Variants in IRAG1 observed in about 807,000 individuals in gnomAD.
IRAG1 encodes inositol 1,4,5-triphosphate receptor associated 1, also known as IP3R-associated cGMP kinase substrate.
IRAG1 carries 62 observed loss-of-function variants against 106.2 expected under a neutral mutation model. The observed-to-expected ratio is 0.58, with a 90% confidence interval of 0.48 to 0.72. The LOEUF (loss-of-function observed/expected upper bound fraction) is 0.72, where lower values mean the gene tolerates loss of function less well. Ranked by LOEUF, IRAG1 falls within the 30% of genes least tolerant of loss-of-function variation. The pLI, the probability that IRAG1 is intolerant of heterozygous loss-of-function variation, is 0.00. For synonymous variants in IRAG1, 462 were observed against 443.9 expected, an observed-to-expected ratio of 1.04 and a Z score of -0.51; for missense variants, 1,064 against 1,140.7, an observed-to-expected ratio of 0.93 and a Z score of 0.97.
intron 12 of IRAG1, among the ~76,000 whole-genome samples, chr11:10,604,751 C>G (rs764980887): frequency 5.3e-5 from 8 of 152,366 alleles, no homozygotes; most frequent in Admixed American, 5.2e-4. Context: ...ACGCTAGGCC[C>G]TTCCCAGAAC....
chr11:10,618,324 T>TA (rs1412905769), intron 10 of IRAG1, among the ~76,000 whole-genome samples: 1 of 152,208 alleles, frequency 6.6e-6, no homozygotes, highest in African/African-American at 2.4e-5. Context: ...TATGGCCTGT[T>TA]AAAGTTTTAT....
At position 10,573,938 on chromosome 11, in the gene IRAG1, G is replaced by C. The variant is rs777434626; in HGVS notation, c.*2394C>G. 6.6e-6 allele frequency: 1 copy of C among 152,350 alleles called. No individual in the cohort carries two copies. The highest frequency in any genetic ancestry group is 2.1e-4 in the South Asian group (1 of 4,826). The allele number at this position is 152,350 out of a possible 1,614,324, so 9.4% of individuals were successfully genotyped here. ...GTATCCAGACCCCCTGGAAGAGGCC[G>C]GGCAAATCATCCACTTCTGCCCCCA... On this transcript the variant is annotated 3_prime_UTR_variant, in exon 21 of 21. Transcript: ENST00000423302.
chr11:10,594,018 C>A (rs1852977322), intron 16 of IRAG1, 128 bp downstream of exon 16: 1 of 894,428 alleles, frequency 1.1e-6, no homozygotes, highest in Non-Finnish European at 1.7e-6. Flanking sequence ...GTGTGGAAAG[C>A]CGAATAGAAA....
At chr11:10,583,673 A>G (rs1016562674) in intron 18 of IRAG1, among the ~76,000 whole-genome samples, 1 of 152,166 alleles carries the variant, frequency 6.6e-6, no homozygotes, top group Non-Finnish European at 1.5e-5. Flanking sequence ...ATTTGAATGT[A>G]GGTAGAAATG....
In IRAG1 at chr11:10,626,539, C is replaced by T. The variant is rs768000375; in HGVS notation, c.795G>A (p.Arg265=). 5.0e-6 allele frequency: 8 copies of T among 1,612,600 alleles called. No homozygotes were observed. The highest frequency in any genetic ancestry group is 6.8e-6 in the Non-Finnish European group (8 of 1,179,026). ...GLADRKQNDQ[R]KVSQGRLAPR... ...GAGCCAGCCTGCCCTGAGACACTTTCCTCTGGTCATTCTGCTTCCTGTCAG... is the reference window on the plus strand; with the variant it reads ...GAGCCAGCCTGCCCTGAGACACTTTTCTCTGGTCATTCTGCTTCCTGTCAG... Residue 265 remains arginine, a synonymous_variant, in exon 9 of 21, where the codon AGG becomes AGA. Coordinates refer to ENST00000423302, the MANE Select transcript of IRAG1 (RefSeq NM_130385.4).
At chr11:10,630,235 T>A (rs906558233) in intron 4 of IRAG1, among the ~76,000 whole-genome samples, 1 of 152,138 alleles carries the variant, frequency 6.6e-6, no homozygotes, top group Non-Finnish European at 1.5e-5. Flanking sequence ...CTGCTCAGGA[T>A]CACAGGAGTC....
chr11:10,587,448 G>A (rs551309159), intron 18 of IRAG1, among the ~76,000 whole-genome samples: 6 of 152,176 alleles, frequency 3.9e-5, no homozygotes, highest in Admixed American at 3.9e-4. Flanking sequence ...CCTGGGGTCC[G>A]CCACAAGTTT....
Position 10,648,675 on chromosome 11 carries a change from C to A in IRAG1, c.225+3350G>T, listed in dbSNP as rs958195448. Among the ~76,000 whole-genome samples, 3 of 152,172 alleles carry A rather than the reference C, an allele frequency of 2.0e-5. 1 individual carries two copies. Among genetic ancestry groups the A allele is most frequent in the Non-Finnish European group, 1.5e-5 (1 of 68,038 alleles). On this transcript the variant is annotated intron_variant, in intron 2 of 20. Coordinates refer to ENST00000423302, the MANE Select transcript of IRAG1 (RefSeq NM_130385.4). ...GTCTCTCCCTGTTCAAGGGCCAATG[C>A]AGAAAACCCCACTCAGGACATAGCC...
chr11:10,644,947 T>C (rs894026652), intron 2 of IRAG1, among the ~76,000 whole-genome samples: 3 of 152,112 alleles, frequency 2.0e-5, no homozygotes, highest in African/African-American at 7.2e-5. Flanking sequence ...CAGTAAAGTA[T>C]ATGGCTAAAC....
intron 2 of IRAG1, among the ~76,000 whole-genome samples, chr11:10,642,886 C>T (rs116457483): frequency 0.023 from 3,452 of 151,332 alleles, 127 homozygotes; most frequent in African/African-American, 0.08. Flanking sequence ...CTCTCTGGGC[C>T]GGGCACGGTG....
intron 1 of IRAG1, among the ~76,000 whole-genome samples, chr11:10,684,648 A>C (rs1861531755): frequency 6.7e-6 from 1 of 148,962 alleles, no homozygotes; most frequent in African/African-American, 2.5e-5. Context: ...AATAATAATA[A>C]AGAGAAAAGG....
At chr11:10,618,814 A>G (rs188404468) in intron 10 of IRAG1, among the ~76,000 whole-genome samples, 149 of 152,316 alleles carry the variant, frequency 9.8e-4, no homozygotes, top group Non-Finnish European at 1.4e-3. Context: ...GGGTGGGGTT[A>G]ACTATTCAGG....
In IRAG1 at chr11:10,647,798, T is replaced by C. The variant is rs754284196; in HGVS notation, c.225+4227A>G. On this transcript the variant is annotated intron_variant, in intron 2 of 20. Transcript: ENST00000423302. The surrounding 1 kb of genome is among the most constrained non-coding windows in gnomAD (Gnocchi z 4.3). ...CTGGGGCCCTACAGTAAGGCGGAGA[T>C]GGGCTGGTATGTGTCCTGAGCGGAG... 2.2e-4 allele frequency among the ~76,000 whole-genome samples: 33 copies of C among 152,016 alleles called. No homozygotes were observed. Among genetic ancestry groups the C allele is most frequent in the Admixed American group, 7.9e-4 (12 of 15,250 alleles).
chr11:10,675,330 T>C (rs1860569001), intron 1 of IRAG1, among the ~76,000 whole-genome samples: 1 of 152,222 alleles, frequency 6.6e-6, no homozygotes, highest in Non-Finnish European at 1.5e-5. Flanking sequence ...CGTTGGCTCC[T>C]GCCCGGTTCC....
intron 1 of IRAG1, among the ~76,000 whole-genome samples, chr11:10,674,437 T>A (rs1860489238): frequency 6.6e-6 from 1 of 152,154 alleles, no homozygotes; most frequent in Admixed American, 6.5e-5. Flanking sequence ...GAAGTCTCTA[T>A]AAAATGAGGC....
intron 20 of IRAG1, among the ~76,000 whole-genome samples, chr11:10,578,560 A>G (rs1287330307): frequency 6.6e-6 from 1 of 152,268 alleles, no homozygotes; most frequent in African/African-American, 2.4e-5. Flanking sequence ...TAAAAATGCA[A>G]TAAGTAGGAC....
rs571750757 is a variant in IRAG1 at position 10,573,610 on chromosome 11, C to T, written c.*2722G>A. On this transcript the variant is annotated 3_prime_UTR_variant, in exon 21 of 21. Transcript: ENST00000423302. Reference sequence around the variant, plus strand: ...CCTTTTCCTCGACCTCCCTTGCTTACAAATGGAATAGGGTGGGAGAGGGCC... The same window carrying T: ...CCTTTTCCTCGACCTCCCTTGCTTATAAATGGAATAGGGTGGGAGAGGGCC... 1 of 152,230 alleles carries T rather than the reference C, an allele frequency of 6.6e-6. No homozygotes were observed. Among genetic ancestry groups the T allele is most frequent in the Non-Finnish European group, 1.5e-5 (1 of 68,072 alleles). 9.4% of individuals were successfully genotyped at this position (152,230 alleles called of 1,614,324 possible).
At chr11:10,688,059 G>C (rs10840470) in intron 1 of IRAG1, among the ~76,000 whole-genome samples, 66,023 of 150,826 alleles carry the variant, frequency 0.44, 15,090 homozygotes, top group Middle Eastern at 0.55. Flanking sequence ...TTGGGATGCT[G>C]AACTGGGTAA....
At chr11:10,591,401 T>A in intron 18 of IRAG1, 147 bp downstream of exon 18, 1 of 750,804 alleles carries the variant, frequency 1.3e-6, no homozygotes, top group Non-Finnish European at 2.2e-6. Flanking sequence ...TCTGAAATCT[T>A]TGTGGGTTTC....
Sources: allele counts gnomAD v4.1 joint callset (sites outside exome capture counted in the v4.1 genomes callset), GRCh38; gene constraint gnomAD v4.1.1; non-coding constraint Gnocchi (gnomAD v3.1); transcripts MANE v1.5; gene names NCBI Gene and HGNC (gene_info 2026-07-23, HGNC 2026-07-21).